FBXO34: variants seen among roughly 807,000 people sequenced by gnomAD.
FBXO34 encodes F-box only protein 34.
FBXO34 carries 12 observed loss-of-function variants against 24.5 expected under a neutral mutation model. The ratio of observed to expected loss-of-function variants is 0.49; its 90% CI spans 0.31 to 0.79. FBXO34 has a LOEUF of 0.79. Ranked by LOEUF, FBXO34 falls within the 30% of genes least tolerant of loss-of-function variation. The pLI is 0.04. For missense variants in FBXO34, 823 were observed against 857.7 expected (o/e 0.96, Z 0.51); for synonymous variants, 320 against 311.9 (o/e 1.03, Z -0.27).
the FBXO34 span, among the ~76,000 whole-genome samples, chr14:55,387,193 G>C: frequency 1.3e-5 from 2 of 152,118 alleles, 1 homozygote; most frequent in African/African-American, 4.8e-5. Flanking sequence ...ATCAAATACA[G>C]AGCAAACCCC....
intron 1 of FBXO34, among the ~76,000 whole-genome samples, chr14:55,336,205 A>G (rs2140059637): frequency 6.6e-6 from 1 of 152,220 alleles, no homozygotes; most frequent in Non-Finnish European, 1.5e-5. Context: ...GTTCTTTTTT[A>G]TTGTTATACT....
chr14:55,313,565 G>T (rs1373954709), intron 1 of FBXO34, among the ~76,000 whole-genome samples: 1 of 152,178 alleles, frequency 6.6e-6, no homozygotes, highest in Non-Finnish European at 1.5e-5. Flanking sequence ...CTGAAACTAG[G>T]TAATTTATAA....
At chr14:55,413,730 T>TAA in the FBXO34 span, 3 of 303,482 alleles carry the variant, frequency 9.9e-6, no homozygotes, top group Non-Finnish European at 1.9e-5. Context: ...ACTTGGCTCT[T>TAA]AGAGTGCCAA....
At chr14:55,409,141 A>G in the FBXO34 span, among the ~76,000 whole-genome samples, 3 of 152,240 alleles carry the variant, frequency 2.0e-5, no homozygotes, top group African/African-American at 7.2e-5. Context: ...GATTCAAGAT[A>G]TATTTTCACA....
chr14:55,424,111 T>G, the FBXO34 span: 1 of 1,328,436 alleles, frequency 7.5e-7, no homozygotes, highest in Admixed American at 1.7e-5. Context: ...GCAAAGCACA[T>G]GCATAGCAAT....
the FBXO34 span, among the ~76,000 whole-genome samples, chr14:55,426,893 G>T: frequency 2.6e-5 from 4 of 152,330 alleles, no homozygotes; most frequent in Middle Eastern, 3.4e-3. Context: ...GATCTGCTCT[G>T]CAAGGAAGAT....
At chr14:55,402,967 A>ATATATG in the FBXO34 span, among the ~76,000 whole-genome samples, 1 of 78,610 alleles carries the variant, frequency 1.3e-5, no homozygotes, top group Non-Finnish European at 2.8e-5. Flanking sequence ...ATATATATAT[A>ATATATG]TAAATAGCTG....
intron 1 of FBXO34, among the ~76,000 whole-genome samples, chr14:55,290,923 G>T (rs1301600311): frequency 2.0e-5 from 3 of 152,104 alleles, no homozygotes; most frequent in Non-Finnish European, 4.4e-5. Flanking sequence ...GAGTTCAAGT[G>T]ATTTTCCTGC....
rs1265691855 is a variant in FBXO34, at chr14:55,352,626, A to T, written c.*100A>T. 8.2e-6 allele frequency: 8 copies of T among 974,116 alleles called. No individual in the cohort carries two copies. The highest frequency in any genetic ancestry group is 1.2e-5 in the Non-Finnish European group (8 of 664,904). 60.3% of individuals were successfully genotyped at this position (974,116 alleles called of 1,614,324 possible). Reference sequence around the variant, plus strand: ...TAGCCCCCTGAGTCATCACTCTAGAAGAATCTGTACATCATCAGGACTGCA... The same window carrying T: ...TAGCCCCCTGAGTCATCACTCTAGATGAATCTGTACATCATCAGGACTGCA... On this transcript the variant is annotated 3_prime_UTR_variant, in exon 2 of 2. Transcript: ENST00000313833.
chr14:55,371,386 C>T (rs1157037500), downstream of FBXO34, among the ~76,000 whole-genome samples: 3 of 152,130 alleles, frequency 2.0e-5, no homozygotes, highest in African/African-American at 7.2e-5. Flanking sequence ...CCTGTGCTTC[C>T]CAGATGGATT....
intron 1 of FBXO34, among the ~76,000 whole-genome samples, chr14:55,346,610 C>G (rs1291696569): frequency 2.6e-5 from 4 of 151,978 alleles, no homozygotes; most frequent in Non-Finnish European, 5.9e-5. Flanking sequence ...GAGTAGTGGT[C>G]TAGAAACAGA....
intron 1 of FBXO34, among the ~76,000 whole-genome samples, chr14:55,312,132 G>A (rs1162035241): frequency 6.6e-6 from 1 of 151,616 alleles, no homozygotes; most frequent in African/African-American, 2.4e-5. Context: ...CCTGGGAGGT[G>A]GAGGTTGCAG....
chr14:55,375,109 T>C, the FBXO34 span, among the ~76,000 whole-genome samples: 1 of 152,216 alleles, frequency 6.6e-6, no homozygotes. Context: ...GTGGCTTTCT[T>C]TCAGCTCCAC....
chr14:55,310,654 C>G (rs1882704419), intron 1 of FBXO34, among the ~76,000 whole-genome samples: 1 of 152,126 alleles, frequency 6.6e-6, no homozygotes, highest in Admixed American at 6.5e-5. Flanking sequence ...GCTGTAAAAC[C>G]TTGTTTAGTT....
chr14:55,352,024 T>A lies in FBXO34; in HGVS notation c.1634T>A (p.Leu545His). ...TCTGTGGAAAGTACATTACCAGTGCTTGAGGCATCCAGTTGGAAGAAGCAG... is the reference window on the plus strand; with the variant it reads ...TCTGTGGAAAGTACATTACCAGTGCATGAGGCATCCAGTTGGAAGAAGCAG... Reference protein sequence around the residue: ...ASSVESTLPVLEASSWKKQVS... With the variant: ...ASSVESTLPVHEASSWKKQVS... The change falls in exon 2 of 2, where the codon CTT becomes CAT. Residue 545 changes from leucine (L) to histidine (H), a missense_variant. Leu to His is a moderately conservative substitution (Grantham distance 99). Around this residue, in one of 2 missense-constraint regions of FBXO34, gnomAD observed 693 missense variants for 659.1 expected, o/e 1.05. Coordinates refer to ENST00000313833, the MANE Select transcript of FBXO34 (RefSeq NM_017943.4). 6.2e-7 allele frequency: 1 copy of A among 1,614,218 alleles called. No homozygotes were observed. The highest frequency in any genetic ancestry group is 8.5e-7 in the Non-Finnish European group (1 of 1,180,044).
intron 1 of FBXO34, among the ~76,000 whole-genome samples, chr14:55,314,781 A>G (rs1882872841): frequency 6.6e-6 from 1 of 152,200 alleles, no homozygotes; most frequent in South Asian, 2.1e-4. Flanking sequence ...ATCCTTTTAT[A>G]TTGTGTTTTT....
At chr14:55,411,549 T>C in the FBXO34 span, 7 of 1,526,602 alleles carry the variant, frequency 4.6e-6, no homozygotes, top group African/African-American at 5.5e-5. Flanking sequence ...TTCGGCTGCC[T>C]GGCTGGAGGA....
intron 1 of FBXO34, among the ~76,000 whole-genome samples, chr14:55,296,702 C>A (rs574665752): frequency 2.0e-5 from 3 of 151,888 alleles, no homozygotes; most frequent in Admixed American, 6.6e-5. Flanking sequence ...GGCCGCTGTT[C>A]TTGATTTTTA....
the FBXO34 span, among the ~76,000 whole-genome samples, chr14:55,428,350 C>A: frequency 6.6e-6 from 1 of 151,916 alleles, no homozygotes; most frequent in Non-Finnish European, 1.5e-5. Context: ...AGGATGGTCT[C>A]GATCTCCTGA....
Sources: allele counts gnomAD v4.1 joint callset (sites outside exome capture counted in the v4.1 genomes callset), GRCh38; gene constraint gnomAD v4.1.1; regional missense constraint gnomAD v4.1.1; transcripts MANE v1.5; gene names NCBI Gene and HGNC (gene_info 2026-07-23, HGNC 2026-07-21).